Variants in NKAIN2 observed in about 807,000 individuals in gnomAD.
The protein encoded by NKAIN2 is sodium/potassium transporting ATPase interacting 2.
NKAIN2 carries 14 observed loss-of-function variants against 32.6 expected under a neutral mutation model. The observed-to-expected ratio is 0.43, with a 90% CI of 0.28 to 0.67. The LOEUF (loss-of-function observed/expected upper bound fraction) is 0.67. NKAIN2 is among the 30% of genes least tolerant of loss of function. NKAIN2 has a pLI of 0.17. For missense variants in NKAIN2, 198 were observed against 258.3 expected (o/e 0.77, Z 1.60); for synonymous variants, 80 against 87.2 (o/e 0.92, Z 0.46).
At chr6:123,866,158 C>T (rs935605299) in intron 1 of NKAIN2, among the ~76,000 whole-genome samples, 1 of 152,136 alleles carries the variant, frequency 6.6e-6, no homozygotes, top group Non-Finnish European at 1.5e-5. Flanking sequence ...TCACTCAGTG[C>T]CGTTGGTTAT....
At chr6:124,652,747 A>G (rs772907242) in intron 3 of NKAIN2, among the ~76,000 whole-genome samples, 13 of 152,120 alleles carry the variant, frequency 8.5e-5, no homozygotes, top group Non-Finnish European at 1.9e-4. Context: ...AAGTGAAAAA[A>G]AGGCCAGTCT....
At chr6:124,739,046 T>G (rs1048615503) in intron 4 of NKAIN2, among the ~76,000 whole-genome samples, 23 of 151,694 alleles carry the variant, frequency 1.5e-4, no homozygotes, top group African/African-American at 5.6e-4. Context: ...ATAACTACCA[T>G]AGGCATAATG....
intron 2 of NKAIN2, among the ~76,000 whole-genome samples, chr6:124,336,504 C>CAGAAGTATA (rs1294933346): frequency 2.2e-4 from 34 of 152,022 alleles, no homozygotes; most frequent in African/African-American, 8.2e-4. Flanking sequence ...AAGAAAATCC[C>CAGAAGTATA]AGAAGTATAG....
chr6:123,900,029 C>G (rs1289758558), intron 1 of NKAIN2, among the ~76,000 whole-genome samples: 1 of 152,182 alleles, frequency 6.6e-6, no homozygotes. Flanking sequence ...GAACCCTCAA[C>G]CCAATGGTCC....
intron 4 of NKAIN2, among the ~76,000 whole-genome samples, chr6:124,733,947 C>G (rs1320118783): frequency 6.6e-6 from 1 of 151,476 alleles, no homozygotes; most frequent in African/African-American, 2.4e-5. Context: ...CTTTTGGTTT[C>G]TAACACCAGT....
intron 1 of NKAIN2, among the ~76,000 whole-genome samples, chr6:123,843,966 G>A (rs1160552002): frequency 6.6e-6 from 1 of 152,194 alleles, no homozygotes; most frequent in East Asian, 1.9e-4. Context: ...CCTGGTTCAT[G>A]AGATTCCCGT....
At chr6:124,454,321 A>G (rs1421843862) in intron 3 of NKAIN2, among the ~76,000 whole-genome samples, 1 of 152,060 alleles carries the variant, frequency 6.6e-6, no homozygotes, top group Non-Finnish European at 1.5e-5. Context: ...TCCTCTGAGT[A>G]TAAATATGAC....
intron 1 of NKAIN2, among the ~76,000 whole-genome samples, chr6:124,051,569 C>G (rs1027325458): frequency 1.3e-5 from 2 of 151,942 alleles, no homozygotes; most frequent in Non-Finnish European, 2.9e-5. Context: ...TGCTATCCCT[C>G]CCCGCTCCCC....
intron 3 of NKAIN2, among the ~76,000 whole-genome samples, chr6:124,470,625 G>A (rs1776934318): frequency 6.6e-6 from 1 of 152,110 alleles, no homozygotes. Flanking sequence ...TGATCATCCA[G>A]ATGATTACTG....
intron 1 of NKAIN2, among the ~76,000 whole-genome samples, chr6:123,822,832 A>G (rs1446469801): frequency 6.6e-6 from 1 of 152,198 alleles, no homozygotes; most frequent in Non-Finnish European, 1.5e-5. Flanking sequence ...TTTACTTCAG[A>G]GAGCTGTTGG....
intron 1 of NKAIN2, among the ~76,000 whole-genome samples, chr6:123,886,799 T>C (rs1339757717): frequency 1.3e-5 from 2 of 152,158 alleles, no homozygotes; most frequent in Non-Finnish European, 2.9e-5. Flanking sequence ...CTACAATTAT[T>C]CCTCAATTGA....
At chr6:124,725,686 A>C (rs542289698) in intron 4 of NKAIN2, among the ~76,000 whole-genome samples, 1 of 152,166 alleles carries the variant, frequency 6.6e-6, no homozygotes, top group Non-Finnish European at 1.5e-5. Flanking sequence ...ATAAAAATGA[A>C]TGTGGAAGCA....
At chr6:124,389,823 G>C (rs1773069112) in intron 3 of NKAIN2, among the ~76,000 whole-genome samples, 1 of 151,736 alleles carries the variant, frequency 6.6e-6, no homozygotes, top group Non-Finnish European at 1.5e-5. Context: ...GAAAAAAATA[G>C]ACATGACAGT....
chr6:124,470,385 A>G (rs2114670982), intron 3 of NKAIN2, among the ~76,000 whole-genome samples: 1 of 152,258 alleles, frequency 6.6e-6, no homozygotes, highest in East Asian at 1.9e-4. Flanking sequence ...ACAGTGGAGC[A>G]GCAGTGTGGA....
At chr6:124,063,390 G>A (rs1783013007) in intron 1 of NKAIN2, among the ~76,000 whole-genome samples, 1 of 152,002 alleles carries the variant, frequency 6.6e-6, no homozygotes, top group South Asian at 2.1e-4. Context: ...AGTTAACAGG[G>A]GAATAATAGC....
intron 3 of NKAIN2, among the ~76,000 whole-genome samples, chr6:124,585,618 G>A (rs1461783498): frequency 6.6e-6 from 1 of 152,036 alleles, no homozygotes; most frequent in Non-Finnish European, 1.5e-5. Context: ...AAAAATAAAT[G>A]AGCAAAACAT....
At chr6:124,122,411 C>G (rs1243468189) in intron 1 of NKAIN2, among the ~76,000 whole-genome samples, 1 of 151,988 alleles carries the variant, frequency 6.6e-6, no homozygotes, top group Non-Finnish European at 1.5e-5. Flanking sequence ...AAGTTAGACT[C>G]AAATTATCCA....
chr6:124,725,477 T>A (rs1776232355), intron 4 of NKAIN2, among the ~76,000 whole-genome samples: 1 of 152,204 alleles, frequency 6.6e-6, no homozygotes, highest in South Asian at 2.1e-4. Context: ...CTGTTCTATT[T>A]TTAAAACTAA....
chr6:123,965,987 C>T (rs183997385), intron 1 of NKAIN2, among the ~76,000 whole-genome samples: 43 of 152,280 alleles, frequency 2.8e-4, no homozygotes, highest in African/African-American at 9.9e-4. Flanking sequence ...AGCTAGCTGG[C>T]CTGTCGTTCC....
Sources: allele counts gnomAD v4.1 joint callset (sites outside exome capture counted in the v4.1 genomes callset), GRCh38; gene constraint gnomAD v4.1.1; transcripts MANE v1.5; gene names NCBI Gene and HGNC (gene_info 2026-07-23, HGNC 2026-07-21).